The following ARIH1 variants were observed in gnomAD, a reference collection of about 807,000 sequenced individuals.
The protein encoded by ARIH1 is E3 ubiquitin-protein ligase ARIH1.
ARIH1 carries 8 observed loss-of-function variants against 85.0 expected under a neutral mutation model. That is an observed-to-expected ratio of 0.09 (90% CI 0.06 to 0.17). The LOEUF (loss-of-function observed/expected upper bound fraction) is 0.17. Among genes scored for constraint, ARIH1 ranks in the 10% least tolerant of loss-of-function variants. The pLI, the probability that ARIH1 is intolerant of heterozygous loss-of-function variation, is 1.00. For missense variants in ARIH1, 311 were observed against 718.1 expected (o/e 0.43, Z 6.48); for synonymous variants, 238 against 253.6 (o/e 0.94, Z 0.59).
chr15:72,536,715 C>T (rs1174832683), intron 2 of ARIH1, among the ~76,000 whole-genome samples: 1 of 152,048 alleles, frequency 6.6e-6, no homozygotes, highest in African/African-American at 2.4e-5. Flanking sequence ...TTCCTTAATC[C>T]ACCTGCCTTC....
chr15:72,513,546 T>C (rs77517153), intron 1 of ARIH1, among the ~76,000 whole-genome samples: 4,531 of 152,220 alleles, frequency 0.03, 118 homozygotes, highest in East Asian at 0.11. Flanking sequence ...GTGTATAATA[T>C]TTACCCAGGT....
chr15:72,505,066 GA>G (rs2063919044), intron 1 of ARIH1, among the ~76,000 whole-genome samples: 1 of 152,152 alleles, frequency 6.6e-6, no homozygotes, highest in South Asian at 2.1e-4. Context: ...CAGCTCTCAA[GA>G]GCATTACTTC....
intron 2 of ARIH1, among the ~76,000 whole-genome samples, chr15:72,518,833 T>A (rs1033794089): frequency 4.6e-5 from 7 of 151,882 alleles, no homozygotes; most frequent in African/African-American, 1.7e-4. Context: ...TTTAACCTGT[T>A]ATTAGTAGCA....
chr15:72,506,351 C>CCAAAAAAAAAAAA (rs2063924871), intron 1 of ARIH1, among the ~76,000 whole-genome samples: 1 of 73,064 alleles, frequency 1.4e-5, no homozygotes, highest in Non-Finnish European at 2.4e-5. Context: ...CTCCGTCTCA[C>CCAAAAAAAAAAAA]AAAAAAAAAA....
chr15:72,539,184 G>A (rs2064095858), intron 2 of ARIH1, among the ~76,000 whole-genome samples: 1 of 152,074 alleles, frequency 6.6e-6, no homozygotes, highest in Non-Finnish European at 1.5e-5. Context: ...TTTTATTTTG[G>A]TCTGATTTTC....
intron 5 of ARIH1, among the ~76,000 whole-genome samples, chr15:72,557,919 T>A (rs2064181763): frequency 6.6e-6 from 1 of 152,224 alleles, no homozygotes. Context: ...TTTTACTGAC[T>A]TTGTCAGCTC....
chr15:72,602,740 G>A lies in ARIH1; in HGVS notation c.*19448G>A, dbSNP rs2064386343. 1 of 152,124 alleles carries A rather than the reference G, an allele frequency of 6.6e-6. No homozygotes were observed. The highest frequency in any genetic ancestry group is 6.5e-5 in the Admixed American group (1 of 15,268). 9.4% of individuals were successfully genotyped at this position (152,124 alleles called of 1,614,324 possible). ...CCTGTCCGGCACTGTGCCCTTATTA[G>A]CCAGAGAAATGTTCCCCCTTTCTCC... On this transcript the variant is annotated 3_prime_UTR_variant, in exon 14 of 14. Coordinates refer to ENST00000379887, the MANE Select transcript of ARIH1 (RefSeq NM_005744.5).
intron 2 of ARIH1, among the ~76,000 whole-genome samples, chr15:72,531,805 A>C (rs1401328687): frequency 6.6e-6 from 1 of 152,202 alleles, no homozygotes; most frequent in Admixed American, 6.5e-5. Context: ...ATTCATAAAC[A>C]GTATGTTTTA....
At chr15:72,502,855 C>T (rs1297553390) in intron 1 of ARIH1, among the ~76,000 whole-genome samples, 1 of 152,094 alleles carries the variant, frequency 6.6e-6, no homozygotes, top group African/African-American at 2.4e-5. Flanking sequence ...ACATTCCTGC[C>T]TGCTGAAGTA....
At chr15:72,556,830 G>C (rs1344486228) in intron 5 of ARIH1, among the ~76,000 whole-genome samples, 1 of 152,160 alleles carries the variant, frequency 6.6e-6, no homozygotes, top group African/African-American at 2.4e-5. Flanking sequence ...GAGTATTTCT[G>C]TGTTAATTCA....
intron 1 of ARIH1, among the ~76,000 whole-genome samples, chr15:72,510,289 G>A (rs1377919343): frequency 2.0e-5 from 3 of 151,808 alleles, no homozygotes; most frequent in Non-Finnish European, 2.9e-5. Flanking sequence ...TTTTACTTTC[G>A]ATGGATTTCA....
At chr15:72,480,604 G>A (rs542395894) in intron 1 of ARIH1, among the ~76,000 whole-genome samples, 9 of 148,012 alleles carry the variant, frequency 6.1e-5, no homozygotes, top group African/African-American at 1.0e-4. Flanking sequence ...CTCTCTTGTT[G>A]CCCAGGCTGG....
chr15:72,491,314 C>G (rs1438964563), intron 1 of ARIH1, among the ~76,000 whole-genome samples: 4 of 151,656 alleles, frequency 2.6e-5, no homozygotes, highest in South Asian at 4.2e-4. Flanking sequence ...CCCCACCCCC[C>G]CATAAACCCA....
At chr15:72,573,447 G>T (rs2064257229) in intron 11 of ARIH1, among the ~76,000 whole-genome samples, 1 of 152,100 alleles carries the variant, frequency 6.6e-6, no homozygotes, top group South Asian at 2.1e-4. Flanking sequence ...TGTAATCCCA[G>T]CTACTCGGGA....
rs2063787852 is a variant in ARIH1, at chr15:72,474,895, G to T, written c.256G>T (p.Gly86Cys). 2 of 1,438,596 alleles carry T rather than the reference G, an allele frequency of 1.4e-6. No individual in the cohort carries two copies. The highest frequency in any genetic ancestry group is 9.2e-7 in the Non-Finnish European group (1 of 1,090,200). The allele number at this position is 1,438,596 out of a possible 1,614,324, so 89.1% of individuals were successfully genotyped here. Residue 86 changes from glycine to cysteine, a missense_variant, in exon 1 of 14, where the codon GGT (glycine) becomes TGT (cysteine). Around this residue, in one of 3 missense-constraint regions of ARIH1, gnomAD observed 157 missense variants for 185.1 expected, o/e 0.85. Transcript: ENST00000379887. ...PGGGGGGGGG[G>C]GGGGPGHEQE... is the part of the protein sequence containing the mutation. Reference sequence around the variant, plus strand: ...CGGTGGCGGCGGCGGCGGCGGCGGCGGTGGTGGTGGCGGGCCGGGGCATGA... The same window carrying T: ...CGGTGGCGGCGGCGGCGGCGGCGGCTGTGGTGGTGGCGGGCCGGGGCATGA...
chr15:72,555,778 A>G lies in ARIH1; in HGVS notation c.682-74A>G. The G allele has an allele frequency of 2.3e-6, 3 of 1,293,176 alleles. No individual in the cohort carries two copies. In the Admixed American group the frequency reaches 5.1e-5, roughly 22 times the overall value. The allele number at this position is 1,293,176 out of a possible 1,614,324, so 80.1% of individuals were successfully genotyped here. A position where few individuals can be genotyped will look rare whatever the true frequency, so the allele number is the denominator to read the frequency against. On this transcript the variant is annotated intron_variant, in intron 4 of 13. Coordinates refer to ENST00000379887, the MANE Select transcript of ARIH1 (RefSeq NM_005744.5). ...CATTAAGGTATTCCCAGAACCTAGC[A>G]AAGTGCCTGGCGATGGTAAGCATTC...
At position 72,576,992 on chromosome 15, in the gene ARIH1, TC is replaced by T. The variant is rs1186014498; in HGVS notation, c.1216-3738del. Among the ~76,000 whole-genome samples, 106 of 152,072 alleles carry T rather than the reference TC, an allele frequency of 7.0e-4. No homozygotes were observed. In the South Asian group the frequency reaches 0.014, roughly 20 times the overall value. On this transcript the variant is annotated intron_variant, in intron 11 of 13. Coordinates refer to ENST00000379887, the MANE Select transcript of ARIH1 (RefSeq NM_005744.5). The stretch of plus-strand genomic sequence containing the variant: ...ATTATACTGTGTGCTTTTTTTTTTT[TC>T]TTTTTTTGAGACGGAGTTTGCTCTT...
At chr15:72,566,748 T>C in intron 8 of ARIH1, 143 bp downstream of exon 8, 1 of 733,742 alleles carries the variant, frequency 1.4e-6, no homozygotes, top group Non-Finnish European at 2.2e-6. Flanking sequence ...ATTACATGTA[T>C]TCAGAGGTAA....
chr15:72,570,384 T>C, intron 10 of ARIH1, 77 bp downstream of exon 10: 1 of 1,553,382 alleles, frequency 6.4e-7, no homozygotes, highest in Non-Finnish European at 8.8e-7. Flanking sequence ...TTCTACCTCA[T>C]AGATATCACC....
Sources: gnomAD v4.1 joint callset for allele counts (sites outside exome capture counted in the v4.1 genomes callset) on GRCh38, gnomAD v4.1.1 for gene constraint, gnomAD v4.1.1 regional missense constraint, MANE v1.5 for transcripts, NCBI Gene and HGNC (gene_info 2026-07-23, HGNC 2026-07-21) for gene names.